Variants in ATE1 observed in about 807,000 individuals in gnomAD.
The protein encoded by ATE1 is arginyltransferase 1.
Under a neutral mutation model 70.5 loss-of-function variants are expected in ATE1, and 36 were observed. That is an observed-to-expected ratio of 0.51 (90% CI 0.39 to 0.67). The LOEUF (loss-of-function observed/expected upper bound fraction) is 0.67, where lower values mean the gene tolerates loss of function less well. ATE1 is among the 30% of genes least tolerant of loss of function. The pLI is 0.00. For synonymous variants in ATE1, 232 were observed against 219.3 expected, an observed-to-expected ratio of 1.06 and a Z score of -0.51; for missense variants, 593 against 629.5, an observed-to-expected ratio of 0.94 and a Z score of 0.62.
At chr10:121,888,530 G>A (rs1412950551) in intron 7 of ATE1, among the ~76,000 whole-genome samples, 1 of 152,138 alleles carries the variant, frequency 6.6e-6, no homozygotes, top group Non-Finnish European at 1.5e-5. Context: ...TGCTTGATAT[G>A]ATACAGTAAA....
intron 11 of ATE1, among the ~76,000 whole-genome samples, chr10:121,774,625 T>C (rs775805330): frequency 8.6e-4 from 131 of 152,288 alleles, no homozygotes; most frequent in Non-Finnish European, 1.6e-3. Context: ...TTACATTCTT[T>C]CTTAAGCAAT....
chr10:121,890,193 G>T (rs1373238410), intron 7 of ATE1, among the ~76,000 whole-genome samples: 1 of 152,074 alleles, frequency 6.6e-6, no homozygotes, highest in African/African-American at 2.4e-5. Flanking sequence ...TAGAATAAAA[G>T]AATCTAAAAC....
intron 10 of ATE1, among the ~76,000 whole-genome samples, chr10:121,812,601 CTTAT>C (rs965359063): frequency 2.8e-4 from 43 of 152,194 alleles, no homozygotes; most frequent in African/African-American, 1.0e-3. Context: ...TTATGTTTTG[CTTAT>C]TATTATGGTC....
intron 10 of ATE1, among the ~76,000 whole-genome samples, chr10:121,804,474 T>C (rs1947015586): frequency 6.6e-6 from 1 of 152,196 alleles, no homozygotes; most frequent in Non-Finnish European, 1.5e-5. Context: ...TTTAATAAAA[T>C]TGAAGCTGAA....
intron 11 of ATE1, among the ~76,000 whole-genome samples, chr10:121,758,836 A>G (rs1020892660): frequency 6.6e-6 from 1 of 152,132 alleles, no homozygotes; most frequent in African/African-American, 2.4e-5. Flanking sequence ...GATGTTAACT[A>G]CTGTAATTGG....
intron 3 of ATE1, among the ~76,000 whole-genome samples, chr10:121,916,194 T>G (rs1951650020): frequency 6.6e-6 from 1 of 151,908 alleles, no homozygotes; most frequent in Non-Finnish European, 1.5e-5. Context: ...ACCACTGCAC[T>G]CCAGCCTGGG....
chr10:121,879,531 T>A (rs1397314367), intron 7 of ATE1, among the ~76,000 whole-genome samples: 4 of 152,224 alleles, frequency 2.6e-5, no homozygotes, highest in African/African-American at 4.8e-5. Flanking sequence ...TGGCACATAG[T>A]AGGGACTCAA....
intron 8 of ATE1, among the ~76,000 whole-genome samples, chr10:121,845,343 CAG>C (rs1459445319): frequency 6.6e-6 from 1 of 152,140 alleles, no homozygotes; most frequent in Non-Finnish European, 1.5e-5. Flanking sequence ...GCAGCAATAA[CAG>C]ATCAGTAAAA....
chr10:121,847,068 G>A (rs973375177), intron 8 of ATE1, among the ~76,000 whole-genome samples: 2 of 152,068 alleles, frequency 1.3e-5, no homozygotes, highest in Admixed American at 1.3e-4. Flanking sequence ...AAATAAACAA[G>A]TTTCTACATA....
intron 3 of ATE1, among the ~76,000 whole-genome samples, chr10:121,917,281 T>C (rs923331294): frequency 6.6e-6 from 1 of 152,180 alleles, no homozygotes; most frequent in Non-Finnish European, 1.5e-5. Context: ...AAAGCGATCA[T>C]AGCACTTGAT....
At chr10:121,800,462 G>A (rs1946832855) in intron 10 of ATE1, among the ~76,000 whole-genome samples, 1 of 152,094 alleles carries the variant, frequency 6.6e-6, no homozygotes, top group Admixed American at 6.6e-5. Flanking sequence ...CTCTGGTCCT[G>A]CACCAAAGAT....
intron 10 of ATE1, among the ~76,000 whole-genome samples, chr10:121,835,218 C>A (rs1948388598): frequency 6.6e-6 from 1 of 152,078 alleles, no homozygotes; most frequent in Admixed American, 6.6e-5. Flanking sequence ...ACAATGTACA[C>A]TGAAATATGA....
rs1191575316 is a variant in ATE1 at position 121,853,988 on chromosome 10, A to C, written c.976-12725T>G. On this transcript the variant is annotated intron_variant, in intron 8 of 11. Transcript: ENST00000224652. Reference sequence around the variant, plus strand: ...AGCATGTATAACATAATCACTTTCCAAAAGGCCTCACCTCTTAGAATACTA... The same window carrying C: ...AGCATGTATAACATAATCACTTTCCCAAAGGCCTCACCTCTTAGAATACTA... Among the ~76,000 whole-genome samples, 5 of 152,204 alleles carry C rather than the reference A, an allele frequency of 3.3e-5. No individual in the cohort carries two copies. The East Asian group carries it at 9.6e-4, about 29-fold the overall frequency.
chr10:121,857,289 C>T lies in ATE1; in HGVS notation c.975+12717G>A, dbSNP rs184165680. Among the ~76,000 whole-genome samples, 382 of 152,242 alleles carry T rather than the reference C, an allele frequency of 2.5e-3. 2 individuals carry two copies. The highest frequency in any genetic ancestry group is 1.4e-3 in the East Asian group (7 of 5,176). ...ACTTCCCTTCTTTTTATCATAGCCTCCACTGTCTACTGTTCCCATCTTTAT... is the reference window on the plus strand; with the variant it reads ...ACTTCCCTTCTTTTTATCATAGCCTTCACTGTCTACTGTTCCCATCTTTAT... On this transcript the variant is annotated intron_variant, in intron 8 of 11. Coordinates refer to ENST00000224652, the MANE Select transcript of ATE1 (RefSeq NM_001001976.3).
chr10:121,886,523 T>G (rs1950405397), intron 7 of ATE1, among the ~76,000 whole-genome samples: 1 of 152,194 alleles, frequency 6.6e-6, no homozygotes. Context: ...GTGTCCAACC[T>G]GCGCCCTAAG....
At chr10:121,796,034 G>A (rs1406214855) in intron 10 of ATE1, among the ~76,000 whole-genome samples, 1 of 152,120 alleles carries the variant, frequency 6.6e-6, no homozygotes, top group Non-Finnish European at 1.5e-5. Flanking sequence ...GAAGAAATGA[G>A]TTACCACAGA....
chr10:121,784,287 T>C (rs1946117642), intron 11 of ATE1, among the ~76,000 whole-genome samples: 1 of 152,224 alleles, frequency 6.6e-6, no homozygotes, highest in Non-Finnish European at 1.5e-5. Context: ...AGACTGGCTT[T>C]AAAGCAATCT....
At chr10:121,863,471 T>C (rs1425957664) in intron 8 of ATE1, among the ~76,000 whole-genome samples, 1 of 152,130 alleles carries the variant, frequency 6.6e-6, no homozygotes, top group East Asian at 1.9e-4. Context: ...CAGGCTGGTC[T>C]TGAACTCCTG....
intron 10 of ATE1, among the ~76,000 whole-genome samples, chr10:121,792,272 G>A (rs1341076831): frequency 2.0e-5 from 3 of 152,202 alleles, no homozygotes; most frequent in Non-Finnish European, 4.4e-5. Context: ...CCACAGCGAT[G>A]GAACAGTGGG....
Sources: allele counts gnomAD v4.1 joint callset (sites outside exome capture counted in the v4.1 genomes callset), GRCh38; gene constraint gnomAD v4.1.1; transcripts MANE v1.5; gene names NCBI Gene and HGNC (gene_info 2026-07-23, HGNC 2026-07-21).